PRDM8: variants seen among roughly 807,000 people sequenced by gnomAD.
PRDM8 encodes the protein PR/SET domain 8.
PRDM8 carries 13 observed loss-of-function variants against 46.5 expected under a neutral mutation model. That is an observed-to-expected ratio of 0.28 (90% CI 0.18 to 0.44). PRDM8 has a LOEUF of 0.44. PRDM8 is among the 20% of genes least tolerant of loss of function. The pLI, the probability that PRDM8 is intolerant of heterozygous loss-of-function variation, is 1.00. For synonymous variants in PRDM8, 473 were observed against 438.4 expected (o/e 1.08, Z -0.98); for missense variants, 998 against 955.0 (o/e 1.04, Z -0.59).
upstream of PRDM8, chr4:80,195,928 C>CACAGAGAGAGAGAGAGAGAGAGAGAGAG (rs373592223): frequency 8.6e-5 from 12 of 139,972 alleles, no homozygotes; most frequent in African/African-American, 3.1e-4. Context: ...CACACACACA[C>CACAGAGAGAGAGAGAGAGAGAGAGAGAG]AGAGAGAGAG....
At chr4:80,194,161 C>G (rs1737770917), upstream of PRDM8, 1 of 968,678 alleles carries the variant, frequency 1.0e-6, no homozygotes, top group Non-Finnish European at 1.2e-6. Flanking sequence ...CTCCAGCCCA[C>G]TCTTCCAAAA....
intron 1 of PRDM8, among the ~76,000 whole-genome samples, chr4:80,199,443 C>T (rs1738249403): frequency 6.6e-6 from 1 of 152,104 alleles, no homozygotes; most frequent in Non-Finnish European, 1.5e-5. Flanking sequence ...GACATACGTC[C>T]CTTCTTGTAG....
intron 1 of PRDM8, among the ~76,000 whole-genome samples, chr4:80,199,545 C>T (rs1054088767): frequency 6.6e-6 from 1 of 152,108 alleles, no homozygotes; most frequent in Non-Finnish European, 1.5e-5. Context: ...CGCCTGCTCA[C>T]TAACGCTGTT....
Position 80,202,776 on chromosome 4 carries a change from C to T in PRDM8, c.1314C>T (p.Ala438=), listed in dbSNP as rs188061449. Reference sequence around the variant, plus strand: ...CGGTGGGCGCCGAGAAGCTGCTGGCCCCGCGGCCTGGGGGCCCGCTGCCCA... The same window carrying T: ...CGGTGGGCGCCGAGAAGCTGCTGGCTCCGCGGCCTGGGGGCCCGCTGCCCA... ...ASPVGAEKLL[A]PRPGGPLPSR... is the part of the protein sequence containing the mutation. Residue 438 remains alanine, a synonymous_variant, in exon 4 of 4, where the codon GCC becomes GCT. Transcript: ENST00000415738. The T allele has an allele frequency of 3.5e-3, 4,401 of 1,249,798 alleles. 106 individuals are homozygous for T. The African/African-American group carries it at 0.057, about 16-fold the overall frequency. 77.4% of individuals were successfully genotyped at this position (1,249,798 alleles called of 1,614,324 possible).
intron 1 of PRDM8, chr4:80,190,203 TA>T (rs774420296): frequency 6.6e-6 from 1 of 152,040 alleles, no homozygotes; most frequent in Non-Finnish European, 1.5e-5. Context: ...GAAAGAGTGT[TA>T]GGTTCCCGCA....
chr4:80,190,586 C>T (rs556588987), intron 1 of PRDM8, among the ~76,000 whole-genome samples: 6 of 152,320 alleles, frequency 3.9e-5, no homozygotes, highest in East Asian at 3.9e-4. Context: ...CTCCTTGGAT[C>T]TCTCCCAGGG....
At position 80,203,451 on chromosome 4, in the gene PRDM8, G is replaced by T; in HGVS notation, c.1989G>T (p.Glu663Asp). Residue 663 changes from glutamate (E) to aspartate (D), a missense_variant, in exon 4 of 4, where the codon GAG becomes GAT. Transcript: ENST00000415738. ...AGCCCTTGGTGAAGCGGCGGCGAGAGGAGAAACTCAAGTGCCCCATCTGCA... is the reference window on the plus strand; with the variant it reads ...AGCCCTTGGTGAAGCGGCGGCGAGATGAGAAACTCAAGTGCCCCATCTGCA... ...AMEPLVKRRREEKLKCPICNE... is the reference protein window; with the variant it reads ...AMEPLVKRRRDEKLKCPICNE... The T allele has an allele frequency of 1.2e-6, 2 of 1,613,422 alleles. No individual in the cohort carries two copies. The highest frequency in any genetic ancestry group is 1.7e-6 in the Non-Finnish European group (2 of 1,179,788).
upstream of PRDM8, chr4:80,194,350 C>A: frequency 2.2e-6 from 1 of 455,074 alleles, no homozygotes; most frequent in Non-Finnish European, 2.9e-6. Flanking sequence ...ATATGAATTA[C>A]ATAAAACTAT....
chr4:80,194,223 T>C (rs1737776014), upstream of PRDM8: 1 of 981,888 alleles, frequency 1.0e-6, no homozygotes, highest in African/African-American at 1.7e-5. Flanking sequence ...CAAAGAGCCT[T>C]GCTAAAGTGG....
At chr4:80,199,173 C>G (rs1738233716) in intron 1 of PRDM8, among the ~76,000 whole-genome samples, 1 of 151,528 alleles carries the variant, frequency 6.6e-6, no homozygotes, top group African/African-American at 2.4e-5. Context: ...CCCCTCTTGC[C>G]CAAAAAGGGT....
At position 80,203,402 on chromosome 4, in the gene PRDM8, AC is replaced by A; in HGVS notation, c.1942del (p.His648ThrfsTer11). 6.2e-7 allele frequency: 1 copy of A among 1,613,878 alleles called. No homozygotes were observed. Among genetic ancestry groups the A allele is most frequent in the Non-Finnish European group, 8.5e-7 (1 of 1,179,968 alleles). On this transcript the variant is annotated frameshift_variant, in exon 4 of 4. Transcript: ENST00000415738. LOFTEE classifies it high-confidence loss of function. Reference sequence around the variant, plus strand: ...GACCTGGTGTACCATATGAGGTCGCACCACAAAAAGGAGTATGCGATGGAGC... The same window carrying A: ...GACCTGGTGTACCATATGAGGTCGCACACAAAAAGGAGTATGCGATGGAGC... ...TSDLVYHMRS[H>X]HKKEYAMEPL...
Position 80,202,387 on chromosome 4 carries a change from G to C in PRDM8, c.925G>C (p.Gly309Arg), listed in dbSNP as rs1425670201. ...ELSPDGIATG[G>R]GKGKRKFPEE... is the part of the protein sequence containing the mutation. ...GAGTCCCGACGGCATCGCCACGGGC[G>C]GCGGCAAAGGAAAGAGGAAATTCCC... Residue 309 changes from glycine (G) to arginine (R), a missense_variant, in exon 4 of 4, where the codon GGC (glycine) becomes CGC (arginine). Physicochemically the swap from Gly to Arg is moderately radical, Grantham distance 125. Coordinates refer to ENST00000415738, the MANE Select transcript of PRDM8 (RefSeq NM_001099403.2). 1 of 1,580,404 alleles carries C rather than the reference G, an allele frequency of 6.3e-7. No homozygotes were observed. The highest frequency in any genetic ancestry group is 8.6e-7 in the Non-Finnish European group (1 of 1,163,654).
chr4:80,188,568 T>C (rs1168305791), intron 1 of PRDM8, among the ~76,000 whole-genome samples: 1 of 152,186 alleles, frequency 6.6e-6, no homozygotes, highest in Non-Finnish European at 1.5e-5. Context: ...AGGTAGGAGA[T>C]TACAGACCCC....
upstream of PRDM8, chr4:80,194,123 C>A: frequency 2.8e-6 from 2 of 727,226 alleles, no homozygotes; most frequent in Non-Finnish European, 3.4e-6. Context: ...GTCATAAAAG[C>A]CACCTGGGGT....
Position 80,202,382 on chromosome 4 carries a change from C to G in PRDM8, c.920C>G (p.Thr307Arg). The change falls in exon 4 of 4, where the codon ACG (threonine) becomes AGG (arginine). Residue 307 changes from threonine (T) to arginine (R), a missense_variant. Thr to Arg is a moderately conservative substitution (Grantham distance 71, BLOSUM62 -1). Coordinates refer to ENST00000415738, the MANE Select transcript of PRDM8 (RefSeq NM_001099403.2). ...EAELSPDGIA[T>R]GGGKGKRKFP... ...GAGCTGAGTCCCGACGGCATCGCCA[C>G]GGGCGGCGGCAAAGGAAAGAGGAAA... is the stretch of plus-strand genomic sequence containing the variant. 6.3e-7 allele frequency: 1 copy of G among 1,581,978 alleles called. No individual in the cohort carries two copies. The highest frequency in any genetic ancestry group is 8.6e-7 in the Non-Finnish European group (1 of 1,164,552).
rs192817796 is a variant in PRDM8 at position 80,200,271 on chromosome 4, A to G, written c.191A>G (p.Asp64Gly). The G allele has an allele frequency of 2.7e-5, 43 of 1,613,970 alleles. No homozygotes were observed. Among genetic ancestry groups the G allele is most frequent in the Admixed American group, 5.0e-5 (3 of 60,030 alleles). ...SIAFIALKSTDKRTVPYIFRV... is the reference protein window; with the variant it reads ...SIAFIALKSTGKRTVPYIFRV... ...GCTTTCATAGCTCTCAAGTCTACTG[A>G]CAAGAGAACAGTACCGTATATCTTT... is the stretch of plus-strand genomic sequence containing the variant. Residue 64 changes from aspartate to glycine, a missense_variant, in exon 2 of 4, where the codon GAC (aspartate) becomes GGC (glycine). Physicochemically the swap from Asp to Gly is moderately conservative, Grantham distance 94. Coordinates refer to ENST00000415738, the MANE Select transcript of PRDM8 (RefSeq NM_001099403.2).
upstream of PRDM8, chr4:80,196,720 A>T (rs1251381039): frequency 5.5e-6 from 5 of 903,806 alleles, no homozygotes; most frequent in East Asian, 1.2e-4. Flanking sequence ...GAGGGGGGGA[A>T]AAACCCCACG....
Position 80,197,576 on chromosome 4 carries a change from C to A in PRDM8, c.-190C>A. 1 of 977,780 alleles carries A rather than the reference C, an allele frequency of 1.0e-6. No individual in the cohort carries two copies. Among genetic ancestry groups the A allele is most frequent in the South Asian group, 4.7e-5 (1 of 21,144 alleles). The allele number at this position is 977,780 out of a possible 1,614,324, so 60.6% of individuals were successfully genotyped here. A position where few individuals can be genotyped will look rare whatever the true frequency, so the allele number is the denominator to read the frequency against. On this transcript the variant is annotated 5_prime_UTR_variant, in exon 1 of 4. Transcript: ENST00000415738. ...CTCTCCCTCCCTCCCTCCCTCCACC[C>A]CCCCAATCTTTTTCTCCCCATCTCT...
chr4:80,197,033 G>A, upstream of PRDM8: 1 of 985,460 alleles, frequency 1.0e-6, no homozygotes, highest in Non-Finnish European at 1.2e-6. Flanking sequence ...GCAACTAGCT[G>A]CGCAAATCAG....
Sources: gnomAD v4.1 joint callset for allele counts (sites outside exome capture counted in the v4.1 genomes callset) on GRCh38, gnomAD v4.1.1 for gene constraint, MANE v1.5 for transcripts, NCBI Gene and HGNC (gene_info 2026-07-23, HGNC 2026-07-21) for gene names.